Variants in ARHGDIB observed in about 807,000 individuals in gnomAD.
ARHGDIB encodes the protein rho GDP-dissociation inhibitor 2.
ARHGDIB carries 20 observed loss-of-function variants against 22.6 expected under a neutral mutation model. The ratio of observed to expected loss-of-function variants is 0.88; its 90% CI spans 0.62 to 1.28. The LOEUF (loss-of-function observed/expected upper bound fraction) is 1.28. Ranked by LOEUF, ARHGDIB falls within the 50% of genes most tolerant of loss-of-function variation. The probability of loss-of-function intolerance (pLI) is 0.00; values close to 1 mark genes in which losing one functional copy is unlikely to be tolerated. For missense variants in ARHGDIB, 254 were observed against 245.4 expected (o/e 1.04, Z -0.23); for synonymous variants, 114 against 96.1 (o/e 1.19, Z -1.09).
chr12:14,948,099 T>TTCACACAC, intron 3 of ARHGDIB, 150 bp from the exon 4 acceptor site: 2 of 309,774 alleles, frequency 6.5e-6, no homozygotes, highest in Admixed American at 5.7e-5. Context: ...GTTTAGTCCT[T>TTCACACAC]GCACACACAC....
rs1863973343 is a variant in ARHGDIB, at chr12:14,944,844, A to C, written c.343-5T>G. On this transcript the variant is annotated splice_region_variant and splice_polypyrimidine_tract_variant and intron_variant, in intron 4 of 5. Transcript: ENST00000228945. ...TGACACAATATCCCTGTTCACCTGCAGGTGGGAAGGAACCAAGATGTTCAG... is the reference window on the plus strand; with the variant it reads ...TGACACAATATCCCTGTTCACCTGCCGGTGGGAAGGAACCAAGATGTTCAG... 3.1e-6 allele frequency: 5 copies of C among 1,612,876 alleles called. No homozygotes were observed. Among genetic ancestry groups the C allele is most frequent in the Non-Finnish European group, 4.2e-6 (5 of 1,179,340 alleles).
chr12:14,948,622 C>G (rs577454127), intron 3 of ARHGDIB, among the ~76,000 whole-genome samples: 5 of 152,318 alleles, frequency 3.3e-5, no homozygotes, highest in African/African-American at 1.2e-4. Flanking sequence ...GGTAATCACT[C>G]TCTATGCTTT....
chr12:14,947,463 T>C (rs967022190), intron 4 of ARHGDIB, among the ~76,000 whole-genome samples: 5 of 152,354 alleles, frequency 3.3e-5, no homozygotes, highest in African/African-American at 7.2e-5. Context: ...TTTCAATATA[T>C]ATTCATGAAC....
At chr12:14,958,646 G>A (rs982155523) in intron 1 of ARHGDIB, among the ~76,000 whole-genome samples, 13 of 152,202 alleles carry the variant, frequency 8.5e-5, no homozygotes, top group African/African-American at 3.1e-4. Flanking sequence ...GGAAGCCATT[G>A]CCTTCAGTAT....
At position 14,944,795 on chromosome 12, in the gene ARHGDIB, G is replaced by A. The variant is rs2302745; in HGVS notation, c.387C>T (p.Thr129=). ...CCTTACCTTTCACCCCAGTCCTGTA[G>A]GTGTGCTGAACGTATTTCAGGCCTG... ...IVSGLKYVQH[T]YRTGVKVDKA... The change falls in exon 5 of 6, where the codon ACC becomes ACT. Residue 129 remains threonine, a synonymous_variant. Transcript: ENST00000228945. 12 of 1,613,456 alleles carry A rather than the reference G, an allele frequency of 7.4e-6. No individual in the cohort carries two copies. The Admixed American group carries it at 8.3e-5, about 11-fold the overall frequency.
chr12:14,948,260 T>C (rs1327032248), intron 3 of ARHGDIB, among the ~76,000 whole-genome samples: 1 of 152,190 alleles, frequency 6.6e-6, no homozygotes, highest in Non-Finnish European at 1.5e-5. Context: ...GATAAATCTT[T>C]TTTTGGTCCA....
At chr12:14,953,989 C>CT (rs964111886) in intron 1 of ARHGDIB, among the ~76,000 whole-genome samples, 5 of 146,488 alleles carry the variant, frequency 3.4e-5, no homozygotes, top group African/African-American at 1.3e-4. Flanking sequence ...TTCTTTCCTT[C>CT]TTTTTTTGAG....
At chr12:14,954,502 C>A (rs10772826) in intron 1 of ARHGDIB, among the ~76,000 whole-genome samples, 110,956 of 152,054 alleles carry the variant, frequency 0.73, 41,243 homozygotes, top group Non-Finnish European at 0.8. Context: ...TTGGATAATG[C>A]TCTCTTCATT....
intron 5 of ARHGDIB, 99 bp from the exon 6 acceptor site, chr12:14,942,820 T>C (rs2120662484): frequency 9.6e-7 from 1 of 1,036,434 alleles, no homozygotes; most frequent in Non-Finnish European, 1.4e-6. Context: ...GTGATTAAAG[T>C]CAAGAGCAAT....
At chr12:14,948,823 A>C (rs189728982) in intron 3 of ARHGDIB, 1 of 152,458 alleles carries the variant, frequency 6.6e-6, no homozygotes, top group African/African-American at 2.4e-5. Context: ...GAAGACTCTG[A>C]GTTCTGGTGA....
chr12:14,947,982 C>G, intron 3 of ARHGDIB, 33 bp from the exon 4 acceptor site: 1 of 1,554,362 alleles, frequency 6.4e-7, no homozygotes, highest in Non-Finnish European at 8.9e-7. Flanking sequence ...AGTTTATCCT[C>G]AAAAGCAGAT....
At position 14,942,354 on chromosome 12, in the gene ARHGDIB, T is replaced by G. The variant is rs1198529051; in HGVS notation, c.*168A>C. ...GGGTGAAAGCCCGGTTTTAAGCCTC[T>G]TGTTCTAGGGACCACGTTGAGTGAC... is the stretch of plus-strand genomic sequence containing the variant. On this transcript the variant is annotated 3_prime_UTR_variant, in exon 6 of 6. Coordinates refer to ENST00000228945, the MANE Select transcript of ARHGDIB (RefSeq NM_001175.7). The G allele has an allele frequency of 5.4e-6, 4 of 742,800 alleles. No individual in the cohort carries two copies. The East Asian group carries it at 1.1e-4, about 20-fold the overall frequency. The allele number at this position is 742,800 out of a possible 1,614,324, so 46.0% of individuals were successfully genotyped here. A position where few individuals can be genotyped will look rare whatever the true frequency, so the allele number is the denominator to read the frequency against.
intron 1 of ARHGDIB, among the ~76,000 whole-genome samples, chr12:14,957,871 AG>A (rs1864333988): frequency 6.6e-6 from 1 of 152,070 alleles, no homozygotes; most frequent in Admixed American, 6.5e-5. Context: ...AAGAGGAGAG[AG>A]AGAGGAGGGA....
At chr12:14,954,514 AAC>A (rs1592294378) in intron 1 of ARHGDIB, among the ~76,000 whole-genome samples, 2 of 152,202 alleles carry the variant, frequency 1.3e-5, no homozygotes, top group African/African-American at 4.8e-5. Flanking sequence ...CTCTTCATTG[AAC>A]TAGGCCTTGT....
chr12:14,949,723 G>A, intron 3 of ARHGDIB, 79 bp downstream of exon 3: 2 of 1,311,700 alleles, frequency 1.5e-6, no homozygotes, highest in Non-Finnish European at 1.1e-6. Flanking sequence ...GTTTTCTTCT[G>A]TTGGAACAGG....
chr12:14,945,504 G>A (rs1565459319), intron 4 of ARHGDIB, among the ~76,000 whole-genome samples: 1 of 152,228 alleles, frequency 6.6e-6, no homozygotes, highest in Non-Finnish European at 1.5e-5. Flanking sequence ...GACAGCCCAA[G>A]AACTTTGTTT....
intron 1 of ARHGDIB, among the ~76,000 whole-genome samples, chr12:14,958,429 A>G (rs1157165101): frequency 6.6e-6 from 1 of 152,188 alleles, no homozygotes; most frequent in Non-Finnish European, 1.5e-5. Context: ...GTAATTTCTT[A>G]CCATTTGTCT....
intron 5 of ARHGDIB, among the ~76,000 whole-genome samples, chr12:14,942,943 A>G (rs1055032047): frequency 1.3e-5 from 2 of 151,676 alleles, no homozygotes; most frequent in African/African-American, 2.4e-5. Context: ...ATCTCGGCTC[A>G]CCACAACCTC....
At position 14,958,706 on chromosome 12, in the gene ARHGDIB, T is replaced by C. The variant is rs574099498; in HGVS notation, c.-13+2831A>G. Among the ~76,000 whole-genome samples the C allele has an allele frequency of 4.2e-3, 639 of 152,316 alleles. 2 individuals carry two copies. The highest frequency in any genetic ancestry group is 7.5e-3 in the Non-Finnish European group (512 of 68,032). The stretch of plus-strand genomic sequence containing the variant: ...AATTAGCATGAAAAGTTAGACAGAA[T>C]TGAGAGAGAATTTTTTTTATGACCG... On this transcript the variant is annotated intron_variant, in intron 1 of 5. Coordinates refer to ENST00000228945, the MANE Select transcript of ARHGDIB (RefSeq NM_001175.7).
Sources: allele counts gnomAD v4.1 joint callset (sites outside exome capture counted in the v4.1 genomes callset), GRCh38; gene constraint gnomAD v4.1.1; transcripts MANE v1.5; gene names NCBI Gene and HGNC (gene_info 2026-07-23, HGNC 2026-07-21).